The following CPSF6 variants were observed in gnomAD, a reference collection of about 807,000 sequenced individuals.
The protein encoded by CPSF6 is cleavage and polyadenylation specific factor 6, also known as cleavage and polyadenylation specificity factor subunit 6.
CPSF6 carries 10 observed loss-of-function variants against 56.7 expected under a neutral mutation model. The observed-to-expected ratio is 0.18, with a 90% CI of 0.11 to 0.30. CPSF6 has a LOEUF of 0.30. Ranked by LOEUF, CPSF6 falls within the 10% of genes least tolerant of loss-of-function variation. The pLI, the probability that CPSF6 is intolerant of heterozygous loss-of-function variation, is 1.00. For missense variants in CPSF6, 419 were observed against 722.9 expected (o/e 0.58, Z 4.82); for synonymous variants, 248 against 244.8 (o/e 1.01, Z -0.12).
At chr12:69,242,076 A>G (rs569741721) in intron 1 of CPSF6, among the ~76,000 whole-genome samples, 1 of 152,342 alleles carries the variant, frequency 6.6e-6, no homozygotes, top group Admixed American at 6.5e-5. Context: ...TTTAATCTTT[A>G]CTAGCTGGCG....
chr12:69,248,028 A>G (rs1242308860), intron 1 of CPSF6, among the ~76,000 whole-genome samples: 1 of 152,234 alleles, frequency 6.6e-6, no homozygotes, highest in Non-Finnish European at 1.5e-5. Context: ...ACTTGGAAGC[A>G]GTACAACTAC....
Position 69,258,849 on chromosome 12 carries a change from A to G in CPSF6, c.954A>G (p.Pro318=). ...CACCTCCACAACAGGGACCACCTCC[A>G]CCTCCAGGCCCCTTTCCACCTCGTC... is the stretch of plus-strand genomic sequence containing the variant. ...GPPPPQQGPP[P]PPGPFPPRPP... Residue 318 remains proline (P), a synonymous_variant, in exon 6 of 10, where the codon CCA becomes CCG. Coordinates refer to ENST00000435070, the MANE Select transcript of CPSF6 (RefSeq NM_007007.3). The surrounding 1 kb of genome is among the most constrained non-coding windows in gnomAD (Gnocchi z 4.2). 6.2e-7 allele frequency: 1 copy of G among 1,612,768 alleles called. No individual in the cohort carries two copies.
chr12:69,260,323 T>G (rs530793997), intron 8 of CPSF6, 126 bp downstream of exon 8: 10,199 of 703,032 alleles, frequency 0.015, 136 homozygotes, highest in Middle Eastern at 0.027. Flanking sequence ...GGAGTGGTTT[T>G]TTTTTTTAAC....
At chr12:69,253,215 A>G (rs1304190415) in intron 3 of CPSF6, 61 bp downstream of exon 3, 4 of 867,196 alleles carry the variant, frequency 4.6e-6, no homozygotes, top group Non-Finnish European at 7.4e-6. Context: ...TTACAAGTTA[A>G]CTTTCCTTTA....
chr12:69,253,405 CTCTA>C (rs1325301568), intron 3 of CPSF6, among the ~76,000 whole-genome samples: 2 of 152,032 alleles, frequency 1.3e-5, no homozygotes, highest in African/African-American at 4.8e-5. Flanking sequence ...CCCAAGTTTT[CTCTA>C]TCTGTGGTTG....
At chr12:69,266,148 A>T (rs77174505) in intron 9 of CPSF6, among the ~76,000 whole-genome samples, 3 of 152,234 alleles carry the variant, frequency 2.0e-5, no homozygotes, top group African/African-American at 7.2e-5. Context: ...TACCTGGTGA[A>T]TGATACTGGT....
In CPSF6 at chr12:69,270,088, A is replaced by C. The variant is rs1873172832; in HGVS notation, c.*580A>C. 1 of 152,170 alleles carries C rather than the reference A, an allele frequency of 6.6e-6. No individual in the cohort carries two copies. The highest frequency in any genetic ancestry group is 2.1e-4 in the South Asian group (1 of 4,834). The allele number at this position is 152,170 out of a possible 1,614,324, so 9.4% of individuals were successfully genotyped here. The stretch of plus-strand genomic sequence containing the variant: ...GCGTTTTTGGATATGCCTCAATCTA[A>C]TCTTGCGTTCAGTGAATTAAACATA... On this transcript the variant is annotated 3_prime_UTR_variant, in exon 10 of 10. Transcript: ENST00000435070.
intron 1 of CPSF6, 24 bp downstream of exon 1, chr12:69,239,730 C>T (rs750059045): frequency 4.5e-6 from 7 of 1,565,116 alleles, no homozygotes; most frequent in South Asian, 1.2e-5. Context: ...CAGGTCCCCG[C>T]CGCCGACGCG....
Position 69,258,822 on chromosome 12 carries a change from A to G in CPSF6, c.927A>G (p.Pro309=), listed in dbSNP as rs1592805340. The G allele has an allele frequency of 6.2e-7, 1 of 1,613,268 alleles. No homozygotes were observed. Among genetic ancestry groups the G allele is most frequent in the African/African-American group, 1.3e-5 (1 of 74,668 alleles). Residue 309 remains proline, a synonymous_variant, in exon 6 of 10, where the codon CCA becomes CCG. Transcript: ENST00000435070. The surrounding 1 kb of genome is among the most constrained non-coding windows in gnomAD (Gnocchi z 4.2). ...PVPGYGPPPG[P]PPPQQGPPPP... is the part of the protein sequence containing the mutation. Reference sequence around the variant, plus strand: ...CAGGCTACGGCCCCCCTCCTGGCCCACCACCTCCACAACAGGGACCACCTC... The same window carrying G: ...CAGGCTACGGCCCCCCTCCTGGCCCGCCACCTCCACAACAGGGACCACCTC...
At chr12:69,256,638 A>G in intron 3 of CPSF6, 59 bp from the exon 4 acceptor site, 1 of 1,484,062 alleles carries the variant, frequency 6.7e-7, no homozygotes, top group Non-Finnish European at 9.1e-7. Context: ...ACAGAAGAAT[A>G]ACAGTAATAA....
At chr12:69,248,363 C>A (rs752354565) in intron 1 of CPSF6, among the ~76,000 whole-genome samples, 2 of 152,120 alleles carry the variant, frequency 1.3e-5, no homozygotes, top group Non-Finnish European at 2.9e-5. Context: ...ATTATAGTTT[C>A]TGCTGAGGAG....
intron 1 of CPSF6, among the ~76,000 whole-genome samples, chr12:69,250,071 T>A (rs2120487991): frequency 6.6e-6 from 1 of 152,306 alleles, no homozygotes; most frequent in African/African-American, 2.4e-5. Flanking sequence ...GTTCTACATG[T>A]ATTTCGTTTA....
At position 69,258,207 on chromosome 12, in the gene CPSF6, T is replaced by C; in HGVS notation, c.694+302T>C. ...TAGAATATTTACATCCGTCTTACTTTCTTACCTCTTAAAAAAATCCTTTCA... is the reference window on the plus strand; with the variant it reads ...TAGAATATTTACATCCGTCTTACTTCCTTACCTCTTAAAAAAATCCTTTCA... On this transcript the variant is annotated intron_variant, in intron 5 of 9. Coordinates refer to ENST00000435070, the MANE Select transcript of CPSF6 (RefSeq NM_007007.3). The surrounding 1 kb of genome is among the most constrained non-coding windows in gnomAD (Gnocchi z 4.2). 4 of 919,458 alleles carry C rather than the reference T, an allele frequency of 4.4e-6. No individual in the cohort carries two copies. The highest frequency in any genetic ancestry group is 6.5e-6 in the Non-Finnish European group (4 of 610,708). The allele number at this position is 919,458 out of a possible 1,614,324, so 57.0% of individuals were successfully genotyped here.
chr12:69,240,675 T>C (rs1430788256), intron 1 of CPSF6, among the ~76,000 whole-genome samples: 1 of 151,836 alleles, frequency 6.6e-6, no homozygotes, highest in African/African-American at 2.4e-5. Context: ...GAAAACAAAG[T>C]GTTAAATCCC....
At chr12:69,252,120 G>A (rs1245329524) in intron 2 of CPSF6, 1 of 454,268 alleles carries the variant, frequency 2.2e-6, no homozygotes, top group African/African-American at 2.0e-5. Context: ...TGTCACCCAG[G>A]CTGGAGTGCA....
At position 69,271,808 on chromosome 12, in the gene CPSF6, T is replaced by C. The variant is rs901883670; in HGVS notation, c.*2300T>C. 1.3e-5 allele frequency: 2 copies of C among 151,736 alleles called. No homozygotes were observed. The highest frequency in any genetic ancestry group is 2.4e-5 in the African/African-American group (1 of 41,406). The allele number at this position is 151,736 out of a possible 1,614,324, so 9.4% of individuals were successfully genotyped here. On this transcript the variant is annotated 3_prime_UTR_variant, in exon 10 of 10. Coordinates refer to ENST00000435070, the MANE Select transcript of CPSF6 (RefSeq NM_007007.3). ...TCTTCATACCCCCTTCAGTTGTTTA[T>C]GGGTTAATGTTATTTGAAAACTCTT...
chr12:69,258,865 C>A lies in CPSF6; in HGVS notation c.970C>A (p.Pro324Thr). Residue 324 changes from proline (P) to threonine (T), a missense_variant, in exon 6 of 10, where the codon CCA becomes ACA. Coordinates refer to ENST00000435070, the MANE Select transcript of CPSF6 (RefSeq NM_007007.3). The surrounding 1 kb of genome is among the most constrained non-coding windows in gnomAD (Gnocchi z 4.2). ...QGPPPPPGPFPPRPPGPLGPP... is the reference protein window; with the variant it reads ...QGPPPPPGPFTPRPPGPLGPP... ...ACCACCTCCACCTCCAGGCCCCTTT[C>A]CACCTCGTCCACCCGGTCCACTTGG... The A allele has an allele frequency of 6.2e-7, 1 of 1,614,188 alleles. No homozygotes were observed. The highest frequency in any genetic ancestry group is 8.5e-7 in the Non-Finnish European group (1 of 1,180,030).
At chr12:69,265,608 T>A (rs947747960) in intron 9 of CPSF6, among the ~76,000 whole-genome samples, 2 of 149,242 alleles carry the variant, frequency 1.3e-5, no homozygotes, top group African/African-American at 4.9e-5. Flanking sequence ...CTTTTTTTTT[T>A]TTTTTTTTTT....
Position 69,258,882 on chromosome 12 carries a change from TCCACTTGGG to T in CPSF6, c.992_1000del (p.Leu331_Pro333del). 6.2e-7 allele frequency: 1 copy of T among 1,613,962 alleles called. No individual in the cohort carries two copies. The highest frequency in any genetic ancestry group is 8.5e-7 in the Non-Finnish European group (1 of 1,179,992). Reference sequence around the variant, plus strand: ...GCCCCTTTCCACCTCGTCCACCCGGTCCACTTGGGCCACCCCTTACACTAGCTCCTCCTC... The same window carrying T: ...GCCCCTTTCCACCTCGTCCACCCGGTCCACCCCTTACACTAGCTCCTCCTC... On this transcript the variant is annotated inframe_deletion, in exon 6 of 10. Coordinates refer to ENST00000435070, the MANE Select transcript of CPSF6 (RefSeq NM_007007.3). This position sits in a 1 kb window ranked among gnomAD's most constrained non-coding sequence, Gnocchi z 4.2.
Sources: gnomAD v4.1 joint callset for allele counts (sites outside exome capture counted in the v4.1 genomes callset) on GRCh38, gnomAD v4.1.1 for gene constraint, Gnocchi (gnomAD v3.1) non-coding constraint, MANE v1.5 for transcripts, NCBI Gene and HGNC (gene_info 2026-07-23, HGNC 2026-07-21) for gene names.